LIMCH1: variants seen among roughly 807,000 people sequenced by gnomAD.
The protein encoded by LIMCH1 is LIM and calponin homology domains 1, also known as LIM and calponin homology domains-containing protein 1.
In LIMCH1, 113 loss-of-function variants were observed where a neutral mutation model predicts 176.5. The ratio of observed to expected loss-of-function variants is 0.64; its 90% CI spans 0.55 to 0.75. LIMCH1 has a LOEUF of 0.75. LIMCH1 is among the 30% of genes least tolerant of loss of function. LIMCH1 has a pLI of 0.00. For synonymous variants in LIMCH1, 619 were observed against 645.9 expected, an observed-to-expected ratio of 0.96 and a Z score of 0.63; for missense variants, 1,674 against 1,814.9, an observed-to-expected ratio of 0.92 and a Z score of 1.41.
intron 1 of LIMCH1, among the ~76,000 whole-genome samples, chr4:41,592,701 G>A (rs569941644): frequency 5.3e-5 from 8 of 152,278 alleles, no homozygotes; most frequent in Admixed American, 2.6e-4. Flanking sequence ...CCCACAGGTC[G>A]ATAGCATCCC....
At chr4:41,647,536 C>T (rs369031055) in intron 17 of LIMCH1, among the ~76,000 whole-genome samples, 122 of 152,298 alleles carry the variant, frequency 8.0e-4, no homozygotes, top group African/African-American at 2.8e-3. Context: ...AACATCTTTT[C>T]GCTTCCTCAA....
At chr4:41,385,517 C>T (rs1001042133) in intron 1 of LIMCH1, among the ~76,000 whole-genome samples, 14 of 152,074 alleles carry the variant, frequency 9.2e-5, no homozygotes, top group Non-Finnish European at 1.9e-4. Context: ...CAAACTTATC[C>T]TATGGGTGTT....
At chr4:41,662,747 T>A in intron 19 of LIMCH1, 74 bp from the exon 20 acceptor site, 1 of 1,493,162 alleles carries the variant, frequency 6.7e-7, no homozygotes, top group Non-Finnish European at 9.3e-7. Flanking sequence ...TTCATGGCAT[T>A]GCAGAATAAA....
At chr4:41,440,845 A>T (rs575933362) in intron 1 of LIMCH1, among the ~76,000 whole-genome samples, 7 of 152,314 alleles carry the variant, frequency 4.6e-5, no homozygotes, top group African/African-American at 1.4e-4. Context: ...ATAGTCTACT[A>T]TTGATAATAT....
intron 1 of LIMCH1, among the ~76,000 whole-genome samples, chr4:41,401,823 GCTCT>G (rs1184022488): frequency 6.6e-6 from 1 of 152,058 alleles, no homozygotes; most frequent in Non-Finnish European, 1.5e-5. Context: ...TCATGATTTG[GCTCT>G]CTGTTTGTCT....
rs150716471 is a variant in LIMCH1, at chr4:41,676,989, C to T, written c.3519+527C>T. Among the ~76,000 whole-genome samples the T allele has an allele frequency of 8.6e-3, 1,303 of 151,280 alleles. 18 individuals carry two copies. Among genetic ancestry groups the T allele is most frequent in the African/African-American group, 0.03 (1,224 of 41,130 alleles). The stretch of plus-strand genomic sequence containing the variant: ...ACCAGCCTGGCCAACATGACGAAAC[C>T]CCGTCTCTACCAAAAATACAAAAAT... On this transcript the variant is annotated intron_variant, in intron 23 of 31. Coordinates refer to ENST00000503057, the MANE Select transcript of LIMCH1 (RefSeq NM_001330672.2).
At chr4:41,374,552 AT>A (rs574923712) in intron 1 of LIMCH1, among the ~76,000 whole-genome samples, 160 of 139,086 alleles carry the variant, frequency 1.2e-3, no homozygotes, top group African/African-American at 5.0e-3. Context: ...GTGTTTAATA[AT>A]TTTTTTCATT....
intron 1 of LIMCH1, among the ~76,000 whole-genome samples, chr4:41,545,588 C>T (rs1004084470): frequency 2.0e-5 from 3 of 152,162 alleles, no homozygotes; most frequent in African/African-American, 7.2e-5. Flanking sequence ...CATCCTCCCC[C>T]CAAACAGGCT....
chr4:41,444,571 A>G (rs992311078), intron 1 of LIMCH1, among the ~76,000 whole-genome samples: 3 of 151,806 alleles, frequency 2.0e-5, no homozygotes, highest in Non-Finnish European at 2.9e-5. Flanking sequence ...GGGAATCTCT[A>G]CCTCTCATTA....
In LIMCH1 at chr4:41,582,001, C is replaced by T. The variant is rs574274930; in HGVS notation, c.-240-16919C>T. ...ATATATATGTCAGATTTTCTTTATC[C>T]GTTCATCCATTGAAGGACACATAGG... On this transcript the variant is annotated intron_variant, in intron 1 of 31. Transcript: ENST00000503057. Among the ~76,000 whole-genome samples, 44 of 152,086 alleles carry T rather than the reference C, an allele frequency of 2.9e-4. 1 individual carries two copies. In the South Asian group the frequency reaches 8.3e-3, roughly 29 times the overall value.
chr4:41,367,121 T>C (rs999687300), intron 1 of LIMCH1, among the ~76,000 whole-genome samples: 7 of 152,144 alleles, frequency 4.6e-5, no homozygotes, highest in African/African-American at 1.7e-4. Context: ...CGTGATCCAG[T>C]CATCTCCCTG....
chr4:41,509,538 A>C (rs2074596041), intron 2 of LIMCH1, among the ~76,000 whole-genome samples: 1 of 152,168 alleles, frequency 6.6e-6, no homozygotes, highest in Non-Finnish European at 1.5e-5. Context: ...GCCTGTCTCC[A>C]GCTGTTTGGC....
intron 1 of LIMCH1, among the ~76,000 whole-genome samples, chr4:41,566,692 CA>C (rs2082818525): frequency 6.6e-6 from 1 of 152,060 alleles, no homozygotes; most frequent in Non-Finnish European, 1.5e-5. Context: ...AATCATTATA[CA>C]AAAATTGTAT....
At chr4:41,573,171 A>C (rs1269082555) in intron 1 of LIMCH1, among the ~76,000 whole-genome samples, 4 of 152,218 alleles carry the variant, frequency 2.6e-5, no homozygotes, top group Non-Finnish European at 5.9e-5. Context: ...AGACAACAGA[A>C]GGCAAGAGAA....
In LIMCH1 at chr4:41,646,170, A is replaced by G; in HGVS notation, c.2301A>G (p.Leu767=). 1 of 1,614,100 alleles carries G rather than the reference A, an allele frequency of 6.2e-7. No homozygotes were observed. The change falls in exon 16 of 32, where the codon TTA becomes TTG. Residue 767 remains leucine, a synonymous_variant. Coordinates refer to ENST00000503057, the MANE Select transcript of LIMCH1 (RefSeq NM_001330672.2). ...GTAGAAGAAGTGTTTCTCAGGACTTAATCAAGAAAGAGGAAGAAAGGAAAA... is the reference window on the plus strand; with the variant it reads ...GTAGAAGAAGTGTTTCTCAGGACTTGATCAAGAAAGAGGAAGAAAGGAAAA... ...KSRRRSVSQD[L]IKKEEERKKM...
intron 1 of LIMCH1, among the ~76,000 whole-genome samples, chr4:41,568,461 A>C (rs556462829): frequency 1.1e-4 from 16 of 152,366 alleles, no homozygotes; most frequent in East Asian, 7.7e-4. Flanking sequence ...CCACATGCAC[A>C]CAGAGTATAT....
intron 2 of LIMCH1, among the ~76,000 whole-genome samples, chr4:41,510,332 C>T (rs189014201): frequency 1.3e-5 from 2 of 152,324 alleles, no homozygotes; most frequent in East Asian, 3.9e-4. Flanking sequence ...AGATGAGAAA[C>T]TGGCCTAGCC....
intron 13 of LIMCH1, among the ~76,000 whole-genome samples, chr4:41,638,649 T>G (rs1011805877): frequency 2.6e-5 from 4 of 152,202 alleles, no homozygotes; most frequent in African/African-American, 4.8e-5. Flanking sequence ...CCTTTCTGTG[T>G]TTATATTGAA....
intron 4 of LIMCH1, among the ~76,000 whole-genome samples, chr4:41,608,491 T>A (rs1452895239): frequency 6.6e-6 from 1 of 152,246 alleles, no homozygotes. Flanking sequence ...ATTAGTTTTT[T>A]TTCTTTCACA....
Sources: gnomAD v4.1 joint callset for allele counts (sites outside exome capture counted in the v4.1 genomes callset) on GRCh38, gnomAD v4.1.1 for gene constraint, MANE v1.5 for transcripts, NCBI Gene and HGNC (gene_info 2026-07-23, HGNC 2026-07-21) for gene names.